CTNND2: variants seen among roughly 807,000 people sequenced by gnomAD.
CTNND2 encodes catenin delta-2.
In CTNND2, 22 loss-of-function variants were observed where a neutral mutation model predicts 144.4. That is an observed-to-expected ratio of 0.15 (90% CI 0.11 to 0.22). CTNND2 has a LOEUF of 0.22. Ranked by LOEUF, CTNND2 falls within the 10% of genes least tolerant of loss-of-function variation. The pLI, the probability that CTNND2 is intolerant of heterozygous loss-of-function variation, is 1.00. For synonymous variants in CTNND2, 751 were observed against 695.6 expected, an observed-to-expected ratio of 1.08 and a Z score of -1.25; for missense variants, 1,353 against 1,618.8, an observed-to-expected ratio of 0.84 and a Z score of 2.82.
At chr5:11,693,778 T>G (rs1437173451) in intron 2 of CTNND2, among the ~76,000 whole-genome samples, 5 of 152,220 alleles carry the variant, frequency 3.3e-5, no homozygotes, top group Non-Finnish European at 5.9e-5. Context: ...TTGTTATGTG[T>G]GATAGTTTTG....
intron 2 of CTNND2, among the ~76,000 whole-genome samples, chr5:11,594,698 A>C (rs1779419236): frequency 6.6e-6 from 1 of 152,188 alleles, no homozygotes; most frequent in African/African-American, 2.4e-5. Flanking sequence ...ATATACACAC[A>C]CAAACAAAAC....
At chr5:11,515,389 A>G (rs1772073968) in intron 3 of CTNND2, among the ~76,000 whole-genome samples, 1 of 152,232 alleles carries the variant, frequency 6.6e-6, no homozygotes, top group Non-Finnish European at 1.5e-5. Context: ...ATAGAATCTT[A>G]GATGGAGATT....
At chr5:11,055,640 C>A (rs1363021055) in intron 16 of CTNND2, among the ~76,000 whole-genome samples, 2 of 152,150 alleles carry the variant, frequency 1.3e-5, no homozygotes, top group Non-Finnish European at 2.9e-5. Flanking sequence ...TCCATCTCCC[C>A]AGTTAGGACC....
Position 11,269,813 on chromosome 5 carries a change from G to T in CTNND2, c.1629-32990C>A, listed in dbSNP as rs1161919567. On this transcript the variant is annotated intron_variant, in intron 9 of 21. Coordinates refer to ENST00000304623, the MANE Select transcript of CTNND2 (RefSeq NM_001332.4). ...CCTCAGAATATGCAGGACATCATCT[G>T]TATTTACTTCAATATAACATAAACC... Among the ~76,000 whole-genome samples, 5 of 152,114 alleles carry T rather than the reference G, an allele frequency of 3.3e-5. No individual in the cohort carries two copies. In the South Asian group the frequency reaches 8.3e-4, roughly 25 times the overall value.
intron 9 of CTNND2, among the ~76,000 whole-genome samples, chr5:11,308,719 GACA>G (rs1168507236): frequency 6.6e-6 from 1 of 152,172 alleles, no homozygotes; most frequent in African/African-American, 2.4e-5. Flanking sequence ...TGCAAATCCA[GACA>G]ACATTTTTAA....
intron 12 of CTNND2, among the ~76,000 whole-genome samples, chr5:11,148,705 C>G (rs1465382329): frequency 6.6e-6 from 1 of 152,204 alleles, no homozygotes; most frequent in East Asian, 1.9e-4. Context: ...GCTGCTCAGA[C>G]AGGCAGCTCT....
At chr5:11,109,931 T>A (rs572678027) in intron 14 of CTNND2, among the ~76,000 whole-genome samples, 2 of 152,344 alleles carry the variant, frequency 1.3e-5, no homozygotes, top group Admixed American at 1.3e-4. Flanking sequence ...TGTATCTGTA[T>A]CATCTATACC....
rs1293505329 is a variant in CTNND2 at position 11,142,224 on chromosome 5, C to A, written c.2159+17352G>T. Among the ~76,000 whole-genome samples, 11 of 152,280 alleles carry A rather than the reference C, an allele frequency of 7.2e-5. No homozygotes were observed. In the South Asian group the frequency reaches 2.1e-3, roughly 29 times the overall value. ...ATAACTTGCTCAAATGAAAAGGAGA[C>A]AGAAGGACTAAATGATGCCAATACT... is the stretch of plus-strand genomic sequence containing the variant. On this transcript the variant is annotated intron_variant, in intron 12 of 21. Coordinates refer to ENST00000304623, the MANE Select transcript of CTNND2 (RefSeq NM_001332.4).
chr5:11,356,693 GAATT>G (rs1397683202), intron 8 of CTNND2, among the ~76,000 whole-genome samples: 1 of 151,572 alleles, frequency 6.6e-6, no homozygotes, highest in Non-Finnish European at 1.5e-5. Context: ...AAAAATAGAC[GAATT>G]AATACTAATA....
chr5:11,863,424 C>T (rs1425293378), intron 1 of CTNND2, among the ~76,000 whole-genome samples: 3 of 152,122 alleles, frequency 2.0e-5, no homozygotes, highest in Admixed American at 6.6e-5. Flanking sequence ...AGCTTAGGAA[C>T]CAATTATTTT....
chr5:11,125,666 G>A (rs1287279373), intron 12 of CTNND2, among the ~76,000 whole-genome samples: 2 of 152,222 alleles, frequency 1.3e-5, no homozygotes, highest in Non-Finnish European at 2.9e-5. Context: ...TCCCGCAAAT[G>A]TGTGAGAGGA....
At position 11,405,574 on chromosome 5, in the gene CTNND2, C is replaced by T. The variant is rs772905131; in HGVS notation, c.439+5962G>A. Among the ~76,000 whole-genome samples the T allele has an allele frequency of 3.3e-5, 5 of 149,788 alleles. No homozygotes were observed. The Middle Eastern group carries it at 0.01, about 308-fold the overall frequency. Reference sequence around the variant, plus strand: ...TCCAGCCTGGCGACAGAGCAGGACTCCGTTAAAAAAAAAAAGAGAGAGAAA... The same window carrying T: ...TCCAGCCTGGCGACAGAGCAGGACTTCGTTAAAAAAAAAAAGAGAGAGAAA... On this transcript the variant is annotated intron_variant, in intron 5 of 21. Coordinates refer to ENST00000304623, the MANE Select transcript of CTNND2 (RefSeq NM_001332.4).
Position 11,384,964 on chromosome 5 carries a change from G to T in CTNND2, c.878C>A (p.Ala293Asp), listed in dbSNP as rs1758901920. 1 of 1,554,776 alleles carries T rather than the reference G, an allele frequency of 6.4e-7. No homozygotes were observed. The highest frequency in any genetic ancestry group is 8.7e-7 in the Non-Finnish European group (1 of 1,154,844). ...CTTGGGCGAGGAGCCGCGCGGCGCG[G>T]CGTAGGTGGCGCCCTCGGGGGCCGA... ...GGSAPEGATY[A>D]APRGSSPKQS... Residue 293 changes from alanine (A) to aspartate (D), a missense_variant, in exon 7 of 22, where the codon GCC (alanine) becomes GAC (aspartate). By Grantham distance (126) the Ala-to-Asp change is moderately radical. Around this residue, in one of 4 missense-constraint regions of CTNND2, gnomAD observed 708 missense variants for 706.4 expected, o/e 1.00. Transcript: ENST00000304623. The surrounding 1 kb of genome is among the most constrained non-coding windows in gnomAD (Gnocchi z 5.2).
chr5:11,348,437 C>CAAAAAAAAAAAAAAAAAAAAAAA (rs3034056), intron 8 of CTNND2, among the ~76,000 whole-genome samples: 1 of 114,722 alleles, frequency 8.7e-6, no homozygotes, highest in Admixed American at 9.3e-5. Context: ...AAATCAAGGG[C>CAAAAAAAAAAAAAAAAAAAAAAA]AAAAAAAAAA....
intron 2 of CTNND2, among the ~76,000 whole-genome samples, chr5:11,729,558 T>C (rs181683456): frequency 6.6e-6 from 1 of 152,336 alleles, no homozygotes; most frequent in African/African-American, 2.4e-5. Flanking sequence ...AATGACTGCA[T>C]AATATTTATA....
intron 2 of CTNND2, among the ~76,000 whole-genome samples, chr5:11,635,460 T>C (rs555193561): frequency 6.6e-6 from 1 of 152,262 alleles, no homozygotes; most frequent in South Asian, 2.1e-4. Context: ...TAAGAGCAGA[T>C]AAGACTCGAA....
At chr5:11,732,725 C>T (rs917071140) in intron 1 of CTNND2, among the ~76,000 whole-genome samples, 2 of 152,062 alleles carry the variant, frequency 1.3e-5, no homozygotes, top group African/African-American at 2.4e-5. Flanking sequence ...CCATAACCCC[C>T]GTTATAGTCT....
At chr5:11,871,540 T>C (rs1022367960) in intron 1 of CTNND2, among the ~76,000 whole-genome samples, 1 of 152,208 alleles carries the variant, frequency 6.6e-6, no homozygotes, top group Non-Finnish European at 1.5e-5. Flanking sequence ...ATCATTTCTT[T>C]AAGAACGATC....
chr5:11,852,727 T>C (rs746695052), intron 1 of CTNND2, among the ~76,000 whole-genome samples: 2 of 152,204 alleles, frequency 1.3e-5, no homozygotes, highest in African/African-American at 2.4e-5. Flanking sequence ...GAAACAGAAG[T>C]AAGCAGAGAA....
Sources: allele counts gnomAD v4.1 joint callset (sites outside exome capture counted in the v4.1 genomes callset), GRCh38; gene constraint gnomAD v4.1.1; regional missense constraint gnomAD v4.1.1; non-coding constraint Gnocchi (gnomAD v3.1); transcripts MANE v1.5; gene names NCBI Gene and HGNC (gene_info 2026-07-23, HGNC 2026-07-21).